Variants in AMPD3 observed in about 807,000 individuals in gnomAD.
The protein encoded by AMPD3 is AMP deaminase 3.
A neutral mutation model predicts 82.3 loss-of-function variants in AMPD3; 57 were observed. The observed-to-expected ratio is 0.69, with a 90% CI of 0.56 to 0.86. The LOEUF is 0.86. AMPD3 is among the 40% of genes least tolerant of loss of function. The pLI, the probability that AMPD3 is intolerant of heterozygous loss-of-function variation, is 0.00. For missense variants in AMPD3, 870 were observed against 1,003.8 expected (o/e 0.87, Z 1.80); for synonymous variants, 381 against 394.7 (o/e 0.97, Z 0.41).
chr11:10,499,940 C>T (rs2133937574), intron 10 of AMPD3, 146 bp from the exon 11 acceptor site: 1 of 1,507,466 alleles, frequency 6.6e-7, no homozygotes, highest in Non-Finnish European at 8.9e-7. Context: ...AATATGGCCT[C>T]AGGCAGGCCA....
chr11:10,473,345 C>G, intron 2 of AMPD3: 1 of 968,518 alleles, frequency 1.0e-6, no homozygotes, highest in Non-Finnish European at 1.2e-6. Context: ...ACAGATTGCA[C>G]TTCATTTTCA....
intron 4 of AMPD3, 39 bp from the exon 5 acceptor site, chr11:10,484,781 G>T: frequency 6.2e-7 from 1 of 1,608,202 alleles, no homozygotes; most frequent in South Asian, 1.1e-5. Flanking sequence ...TGCTCACAAG[G>T]TCAGGGGCAC....
In AMPD3 at chr11:10,456,338, C is replaced by G. The variant is rs1848092715; in HGVS notation, c.-6+890C>G. On this transcript the variant is annotated intron_variant, in intron 1 of 14. Transcript: ENST00000396553. This position sits in a 1 kb window ranked among gnomAD's most constrained non-coding sequence, Gnocchi z 4.3. ...TCAGCTGAGCCTCCTGGGTGGCAGGCAGCACCTCACCCGGGTGCATCACTT... is the reference window on the plus strand; with the variant it reads ...TCAGCTGAGCCTCCTGGGTGGCAGGGAGCACCTCACCCGGGTGCATCACTT... 1 of 1,612,666 alleles carries G rather than the reference C, an allele frequency of 6.2e-7. No homozygotes were observed. The highest frequency in any genetic ancestry group is 1.1e-5 in the South Asian group (1 of 90,984).
intron 4 of AMPD3, 26 bp downstream of exon 4, chr11:10,482,251 G>T (rs745741300): frequency 6.2e-7 from 1 of 1,609,588 alleles, no homozygotes; most frequent in South Asian, 1.1e-5. Context: ...TGGAGGTTGG[G>T]TCCCAAGTGT....
chr11:10,490,762 G>A (rs565903836), intron 6 of AMPD3, among the ~76,000 whole-genome samples: 1 of 152,190 alleles, frequency 6.6e-6, no homozygotes, highest in East Asian at 1.9e-4. Context: ...CCCAGAATCC[G>A]CTGAGTCATG....
intron 2 of AMPD3, 82 bp downstream of exon 2, chr11:10,461,822 C>T (rs1848279776): frequency 3.0e-6 from 4 of 1,333,006 alleles, no homozygotes; most frequent in Non-Finnish European, 4.2e-6. Context: ...TGATATGAGG[C>T]ACCTCATGGG....
At chr11:10,460,160 C>T (rs908485814) in intron 1 of AMPD3, among the ~76,000 whole-genome samples, 4 of 150,180 alleles carry the variant, frequency 2.7e-5, no homozygotes, top group Non-Finnish European at 4.4e-5. Context: ...TGCAGTAGTA[C>T]GATCATAACT....
chr11:10,483,957 A>G (rs1848990381), intron 4 of AMPD3, among the ~76,000 whole-genome samples: 1 of 152,246 alleles, frequency 6.6e-6, no homozygotes, highest in Non-Finnish European at 1.5e-5. Context: ...TTTAGCATCA[A>G]TACACTCCTT....
chr11:10,453,715 A>G (rs545324199), upstream of AMPD3, among the ~76,000 whole-genome samples: 8 of 152,046 alleles, frequency 5.3e-5, no homozygotes, highest in Non-Finnish European at 1.2e-4. Flanking sequence ...CAGCCTCTCA[A>G]GTAGGTGGGA....
At chr11:10,451,077 G>A (rs996883291), upstream of AMPD3, 4 of 1,561,768 alleles carry the variant, frequency 2.6e-6, no homozygotes, top group African/African-American at 1.4e-5. Flanking sequence ...GCTGACCTTG[G>A]GCCAGCCCCG....
intron 1 of AMPD3, among the ~76,000 whole-genome samples, chr11:10,457,499 T>C (rs1848132594): frequency 6.6e-6 from 1 of 152,182 alleles, no homozygotes; most frequent in Non-Finnish European, 1.5e-5. Context: ...CAATTTCTTA[T>C]GGCATCCAGT....
In AMPD3 at chr11:10,502,735, G is replaced by C; in HGVS notation, c.1857G>C (p.Gln619His). Residue 619 changes from glutamine (Q) to histidine (H), a missense_variant, in exon 13 of 15, where the codon CAG becomes CAC. Coordinates refer to ENST00000396553, the MANE Select transcript of AMPD3 (RefSeq NM_001025389.2). ...TTCTTTTGCAGAGTCCGGTATTGCA[G>C]TATCTCTACTACCTTGCTCAGATCC... is the stretch of plus-strand genomic sequence containing the variant. ...GLLLKKSPVL[Q>H]YLYYLAQIPI... 6.2e-7 allele frequency: 1 copy of C among 1,614,162 alleles called. No homozygotes were observed. The highest frequency in any genetic ancestry group is 8.5e-7 in the Non-Finnish European group (1 of 1,180,034).
chr11:10,466,127 T>TG (rs1411426322), intron 2 of AMPD3, among the ~76,000 whole-genome samples: 2 of 151,922 alleles, frequency 1.3e-5, no homozygotes, highest in Non-Finnish European at 2.9e-5. Flanking sequence ...CCGGGCGTGG[T>TG]GGGGGGCACC....
chr11:10,484,909 G>T lies in AMPD3; in HGVS notation c.679G>T (p.Gly227Cys). 6.2e-7 allele frequency: 1 copy of T among 1,614,060 alleles called. No individual in the cohort carries two copies. Among genetic ancestry groups the T allele is most frequent in the Non-Finnish European group, 8.5e-7 (1 of 1,180,006 alleles). Reference protein sequence around the residue: ...NLDYLVHMQGGILFVYDNKKM... With the variant: ...NLDYLVHMQGCILFVYDNKKM... ...GGATTACTTGGTCCACATGCAGGGG[G>T]GCATCCTCTTTGTGTATGATAACAA... is the stretch of plus-strand genomic sequence containing the variant. Residue 227 changes from glycine to cysteine, a missense_variant, in exon 5 of 15, where the codon GGC becomes TGC. By Grantham distance (159) the Gly-to-Cys change is radical (BLOSUM62 -3). Coordinates refer to ENST00000396553, the MANE Select transcript of AMPD3 (RefSeq NM_001025389.2).
rs139737164 is a variant in AMPD3 at position 10,493,426 on chromosome 11, G to A, written c.1017G>A (p.Thr339=). Residue 339 remains threonine (T), a synonymous_variant, in exon 7 of 15, where the codon ACG becomes ACA. Coordinates refer to ENST00000396553, the MANE Select transcript of AMPD3 (RefSeq NM_001025389.2). ...GCTTCATCAAGCACACATACCAGAC[G>A]GAGCCTGACAGGACTGTGGCAGAGA... is the stretch of plus-strand genomic sequence containing the variant. ...LLRFIKHTYQ[T]EPDRTVAEKR... 62 of 1,614,216 alleles carry A rather than the reference G, an allele frequency of 3.8e-5. No individual in the cohort carries two copies. In the East Asian group the frequency reaches 5.3e-4, roughly 14 times the overall value.
upstream of AMPD3, chr11:10,450,822 C>T (rs1847940704): frequency 2.5e-6 from 3 of 1,190,942 alleles, no homozygotes; most frequent in Non-Finnish European, 3.1e-6. Flanking sequence ...CTGAGGCGGC[C>T]CTCCCTCCTC....
chr11:10,478,455 G>A, intron 2 of AMPD3, 71 bp from the exon 3 acceptor site: 3 of 1,595,894 alleles, frequency 1.9e-6, no homozygotes, highest in Non-Finnish European at 2.6e-6. Context: ...CACGCACACA[G>A]CAAAGAGTCT....
In AMPD3 at chr11:10,461,705, G is replaced by C. The variant is rs1045502991; in HGVS notation, c.186G>C (p.Glu62Asp). 1 of 1,613,900 alleles carries C rather than the reference G, an allele frequency of 6.2e-7. No individual in the cohort carries two copies. Among genetic ancestry groups the C allele is most frequent in the Admixed American group, 1.7e-5 (1 of 59,966 alleles). The change falls in exon 2 of 15, where the codon GAG becomes GAC. Residue 62 changes from glutamate to aspartate, a missense_variant. Physicochemically the swap from Glu to Asp is conservative, Grantham distance 45. Coordinates refer to ENST00000396553, the MANE Select transcript of AMPD3 (RefSeq NM_001025389.2). ...CCAAGGAGAGGGAGCTGCAGAAGGA[G>C]CTGGCAGAGCAGAAGTCTGTGGAGA... The part of the protein sequence containing the change: ...KEAKERELQK[E>D]LAEQKSVETA...
intron 10 of AMPD3, among the ~76,000 whole-genome samples, chr11:10,497,286 C>G (rs1221692314): frequency 8.6e-6 from 1 of 116,902 alleles, no homozygotes; most frequent in East Asian, 2.9e-4. Context: ...CAAGCAGCAG[C>G]CTCAGGTTTT....
Sources: gnomAD v4.1 joint callset for allele counts (sites outside exome capture counted in the v4.1 genomes callset) on GRCh38, gnomAD v4.1.1 for gene constraint, Gnocchi (gnomAD v3.1) non-coding constraint, MANE v1.5 for transcripts, NCBI Gene and HGNC (gene_info 2026-07-23, HGNC 2026-07-21) for gene names.